Variants in MICU1 observed in about 807,000 individuals in gnomAD.
MICU1 encodes the protein calcium uptake protein 1, mitochondrial.
In MICU1, 45 loss-of-function variants were observed where a neutral mutation model predicts 56.8. That is an observed-to-expected ratio of 0.79 (90% CI 0.62 to 1.02). The LOEUF is 1.02. Among genes scored for constraint, MICU1 ranks in the 50% least tolerant of loss-of-function variants. The pLI is 0.00. For synonymous variants in MICU1, 186 were observed against 195.1 expected (o/e 0.95, Z 0.39); for missense variants, 504 against 587.1 (o/e 0.86, Z 1.46).
At chr10:72,599,481 A>G (rs112943312) in intron 1 of MICU1, among the ~76,000 whole-genome samples, 1 of 152,008 alleles carries the variant, frequency 6.6e-6, no homozygotes, top group South Asian at 2.1e-4. Context: ...CAGCATATCC[A>G]TGCTCTACAC....
intron 8 of MICU1, among the ~76,000 whole-genome samples, chr10:72,461,473 G>T (rs780701355): frequency 6.6e-6 from 1 of 152,174 alleles, no homozygotes; most frequent in Non-Finnish European, 1.5e-5. Context: ...CCCAATTTAT[G>T]TTCTCATTGT....
intron 1 of MICU1, among the ~76,000 whole-genome samples, chr10:72,608,776 T>C (rs115106039): frequency 0.022 from 3,291 of 152,338 alleles, 122 homozygotes; most frequent in African/African-American, 0.076. Context: ...TAAATACACC[T>C]ACTCTTGTAA....
At chr10:72,597,337 A>G (rs1345224499) in intron 1 of MICU1, among the ~76,000 whole-genome samples, 1 of 152,148 alleles carries the variant, frequency 6.6e-6, no homozygotes, top group Non-Finnish European at 1.5e-5. Flanking sequence ...TGTCATCCCT[A>G]CGTAGCTATG....
At chr10:72,574,102 T>C (rs1840683092) in intron 1 of MICU1, among the ~76,000 whole-genome samples, 1 of 152,160 alleles carries the variant, frequency 6.6e-6, no homozygotes, top group African/African-American at 2.4e-5. Flanking sequence ...CTGGCCTAAA[T>C]AAACCTCTCC....
Position 72,530,048 on chromosome 10 carries a change from C to T in MICU1, c.537+3698G>A, listed in dbSNP as rs550139828. Among the ~76,000 whole-genome samples the T allele has an allele frequency of 2.0e-5, 3 of 146,418 alleles. No homozygotes were observed. The East Asian group carries it at 6.0e-4, about 29-fold the overall frequency. Reference sequence around the variant, plus strand: ...CATATTACATTAAAACAAAAGCTGGCAGGACATGGTGGCTCACGCCTGTAA... The same window carrying T: ...CATATTACATTAAAACAAAAGCTGGTAGGACATGGTGGCTCACGCCTGTAA... On this transcript the variant is annotated intron_variant, in intron 5 of 11. Coordinates refer to ENST00000361114, the MANE Select transcript of MICU1 (RefSeq NM_001195518.2).
intron 1 of MICU1, among the ~76,000 whole-genome samples, chr10:72,604,438 T>G (rs1356900707): frequency 2.0e-5 from 3 of 152,114 alleles, no homozygotes; most frequent in Admixed American, 6.6e-5. Flanking sequence ...CATGCCCAGC[T>G]AATTTTGTAT....
At chr10:72,460,113 C>T (rs1220528717) in intron 8 of MICU1, among the ~76,000 whole-genome samples, 1 of 152,200 alleles carries the variant, frequency 6.6e-6, no homozygotes, top group Admixed American at 6.5e-5. Context: ...TCACTTTATA[C>T]CTTTCAATGG....
intron 9 of MICU1, among the ~76,000 whole-genome samples, chr10:72,417,022 C>T (rs1322189343): frequency 1.3e-5 from 2 of 152,198 alleles, no homozygotes; most frequent in Non-Finnish European, 2.9e-5. Context: ...GTGCTCACTA[C>T]TGCATTCCCA....
intron 10 of MICU1, among the ~76,000 whole-genome samples, chr10:72,384,147 C>A (rs1299289786): frequency 1.3e-5 from 2 of 152,148 alleles, no homozygotes; most frequent in Admixed American, 1.3e-4. Context: ...GCTCGCGCCA[C>A]CATGCCTGGC....
chr10:72,599,689 C>G (rs992095653), intron 1 of MICU1, among the ~76,000 whole-genome samples: 2 of 152,134 alleles, frequency 1.3e-5, no homozygotes, highest in Admixed American at 6.6e-5. Flanking sequence ...TCCCTTCTTT[C>G]TTCCTTCCTT....
intron 9 of MICU1, among the ~76,000 whole-genome samples, chr10:72,420,721 C>A (rs1864130960): frequency 6.6e-6 from 1 of 151,564 alleles, no homozygotes; most frequent in East Asian, 1.9e-4. Flanking sequence ...GTCACCCAGG[C>A]TGGAGTGCAG....
intron 6 of MICU1, among the ~76,000 whole-genome samples, chr10:72,498,459 G>A (rs957587549): frequency 6.6e-6 from 1 of 152,182 alleles, no homozygotes; most frequent in Non-Finnish European, 1.5e-5. Context: ...GGTGATGCGT[G>A]CCTGTAGTCC....
intron 6 of MICU1, among the ~76,000 whole-genome samples, chr10:72,505,834 A>C (rs1271965637): frequency 1.3e-5 from 2 of 152,146 alleles, no homozygotes; most frequent in Non-Finnish European, 2.9e-5. Context: ...GGAGGGGGAC[A>C]AGGGCTGAAA....
At chr10:72,443,072 G>C (rs1361764536) in intron 8 of MICU1, among the ~76,000 whole-genome samples, 1 of 152,034 alleles carries the variant, frequency 6.6e-6, no homozygotes, top group African/African-American at 2.4e-5. Context: ...TTTATTTTTT[G>C]AAAATAGTTT....
intron 6 of MICU1, among the ~76,000 whole-genome samples, chr10:72,493,660 C>A (rs1012266321): frequency 6.6e-6 from 1 of 151,978 alleles, no homozygotes; most frequent in Non-Finnish European, 1.5e-5. Context: ...GCCATGTTGC[C>A]CAGGCTGGTC....
chr10:72,529,919 A>G (rs949866910), intron 5 of MICU1, among the ~76,000 whole-genome samples: 14 of 150,896 alleles, frequency 9.3e-5, no homozygotes, highest in Non-Finnish European at 1.9e-4. Flanking sequence ...AATTGTTAGC[A>G]GAATACATGG....
intron 1 of MICU1, among the ~76,000 whole-genome samples, chr10:72,586,468 T>C (rs535112379): frequency 1.3e-5 from 2 of 152,034 alleles, no homozygotes; most frequent in South Asian, 2.1e-4. Context: ...CTGACCAACA[T>C]GGTGAAACCC....
intron 10 of MICU1, among the ~76,000 whole-genome samples, chr10:72,388,955 A>C (rs1216957473): frequency 6.6e-6 from 1 of 152,238 alleles, no homozygotes; most frequent in Non-Finnish European, 1.5e-5. Flanking sequence ...TATTTTCCTC[A>C]TCCATAAAGT....
At chr10:72,579,582 T>C (rs1840843508) in intron 1 of MICU1, among the ~76,000 whole-genome samples, 2 of 152,114 alleles carry the variant, frequency 1.3e-5, no homozygotes, top group Non-Finnish European at 2.9e-5. Context: ...ACACATTTTT[T>C]TCATTTTATT....
Sources: gnomAD v4.1 joint callset for allele counts (sites outside exome capture counted in the v4.1 genomes callset) on GRCh38, gnomAD v4.1.1 for gene constraint, MANE v1.5 for transcripts, NCBI Gene and HGNC (gene_info 2026-07-23, HGNC 2026-07-21) for gene names.